Variants in TRHDE observed in about 807,000 individuals in gnomAD.
TRHDE encodes thyrotropin releasing hormone degrading enzyme, also known as thyrotropin-releasing hormone-degrading ectoenzyme.
A neutral mutation model predicts 125.7 loss-of-function variants in TRHDE; 72 were observed. That is an observed-to-expected ratio of 0.57 (90% CI 0.47 to 0.70). The LOEUF is 0.70. Ranked by LOEUF, TRHDE falls within the 30% of genes least tolerant of loss-of-function variation. The pLI is 0.00. For missense variants in TRHDE, 1,110 were observed against 1,327.1 expected (o/e 0.84, Z 2.54); for synonymous variants, 509 against 509.1 (o/e 1.00, Z 0.00).
intron 2 of TRHDE, among the ~76,000 whole-genome samples, chr12:72,228,680 T>C (rs1021042798): frequency 6.6e-6 from 1 of 152,212 alleles, no homozygotes; most frequent in African/African-American, 2.4e-5. Flanking sequence ...CTTTTAAACA[T>C]GAGTTCCAAC....
At chr12:72,229,270 G>A (rs1878201039) in intron 2 of TRHDE, among the ~76,000 whole-genome samples, 1 of 152,170 alleles carries the variant, frequency 6.6e-6, no homozygotes, top group South Asian at 2.1e-4. Context: ...AGAAGATGAA[G>A]GAAGAGAAAA....
At chr12:72,105,180 C>G (rs1034712179) in intron 1 of TRHDE, among the ~76,000 whole-genome samples, 1 of 152,118 alleles carries the variant, frequency 6.6e-6, no homozygotes, top group Admixed American at 6.6e-5. Flanking sequence ...AGCAGCAGTA[C>G]AAGGAAGTAC....
chr12:72,620,327 A>AC (rs11450881), intron 13 of TRHDE, among the ~76,000 whole-genome samples: 43,757 of 134,010 alleles, frequency 0.33, 10,875 homozygotes, highest in African/African-American at 0.69. Flanking sequence ...ACATGGTGAA[A>AC]CCCATCTCTA....
chr12:72,094,844 G>T (rs959688829), intron 1 of TRHDE, among the ~76,000 whole-genome samples: 2 of 152,164 alleles, frequency 1.3e-5, no homozygotes, highest in African/African-American at 4.8e-5. Context: ...CTTTCAAAGT[G>T]GTCCTCCTCA....
intron 3 of TRHDE, among the ~76,000 whole-genome samples, chr12:72,466,776 AT>A (rs2135893144): frequency 6.6e-6 from 1 of 152,278 alleles, no homozygotes; most frequent in African/African-American, 2.4e-5. Context: ...CTCAGATGAA[AT>A]GTGACTACCT....
rs895990053 is a variant in TRHDE, at chr12:72,663,189, A to T, written c.3204A>T (p.Arg1068Ser). 49 of 1,608,966 alleles carry T rather than the reference A, an allele frequency of 3.0e-5. No homozygotes were observed. The highest frequency in any genetic ancestry group is 3.7e-5 in the Non-Finnish European group (43 of 1,177,880). Reference sequence around the variant, plus strand: ...TCCAATGGTTAGGAAAAGCTCTAAGACACTAATATATGTATCTTATAAACA... The same window carrying T: ...TCCAATGGTTAGGAAAAGCTCTAAGTCACTAATATATGTATCTTATAAACA... ...ELFQWLGKAL[R>S]H Residue 1068 changes from arginine (R) to serine (S), a missense_variant, in exon 19 of 19, where the codon AGA becomes AGT. Transcript: ENST00000261180.
chr12:72,107,989 G>T (rs1187516925), intron 2 of TRHDE, among the ~76,000 whole-genome samples: 2 of 151,972 alleles, frequency 1.3e-5, no homozygotes, highest in Non-Finnish European at 2.9e-5. Flanking sequence ...CTTTCCTCGG[G>T]TGTTTTTTCA....
At chr12:72,136,222 A>G (rs1260899219) in intron 2 of TRHDE, among the ~76,000 whole-genome samples, 1 of 152,198 alleles carries the variant, frequency 6.6e-6, no homozygotes, top group Non-Finnish European at 1.5e-5. Flanking sequence ...GGTTTTAAAA[A>G]ACGTGCACTG....
At chr12:72,272,232 T>C (rs1297548495), upstream of TRHDE, 12 of 404,102 alleles carry the variant, frequency 3.0e-5, no homozygotes, top group Admixed American at 2.9e-4. This position sits in a 1 kb window ranked among gnomAD's most constrained non-coding sequence, Gnocchi z 6.7. Context: ...ACCGCTCCCG[T>C]CCTTCTCCCT....
intron 12 of TRHDE, among the ~76,000 whole-genome samples, chr12:72,586,442 GAGT>G (rs1871443053): frequency 6.6e-6 from 1 of 152,238 alleles, no homozygotes; most frequent in South Asian, 2.1e-4. Context: ...ATGTGGAGTG[GAGT>G]ATCATTGAAG....
intron 2 of TRHDE, among the ~76,000 whole-genome samples, chr12:72,216,638 C>T (rs529943484): frequency 2.8e-4 from 42 of 152,240 alleles, no homozygotes; most frequent in African/African-American, 8.4e-4. Flanking sequence ...ACACAGAACA[C>T]GTTCTAGTAA....
At chr12:72,088,132 T>C (rs1874711345) in intron 1 of TRHDE, among the ~76,000 whole-genome samples, 3 of 152,284 alleles carry the variant, frequency 2.0e-5, no homozygotes, top group East Asian at 1.9e-4. Flanking sequence ...TCTTGGGTGC[T>C]TAGGCTGAGT....
chr12:72,271,791 G>A (rs539344562), upstream of TRHDE: 5 of 405,058 alleles, frequency 1.2e-5, no homozygotes, highest in African/African-American at 1.0e-4. Context: ...TCTCCCCCTT[G>A]GGATATGGAG....
At chr12:72,595,423 A>G (rs1871896169) in intron 12 of TRHDE, among the ~76,000 whole-genome samples, 2 of 152,094 alleles carry the variant, frequency 1.3e-5, no homozygotes, top group Non-Finnish European at 2.9e-5. Context: ...TATTGAGACA[A>G]ATTGTCAAGT....
chr12:72,114,657 C>T (rs180732540), intron 2 of TRHDE, among the ~76,000 whole-genome samples: 23 of 152,070 alleles, frequency 1.5e-4, no homozygotes, highest in East Asian at 3.9e-4. Context: ...TGGACCTTCA[C>T]GGTTCAGGGG....
At chr12:72,358,912 C>T (rs1390734237) in intron 2 of TRHDE, among the ~76,000 whole-genome samples, 1 of 151,380 alleles carries the variant, frequency 6.6e-6, no homozygotes, top group East Asian at 1.9e-4. Flanking sequence ...AATAAGCTAT[C>T]AAGAACCTTA....
chr12:72,621,852 G>A (rs1267685324), intron 15 of TRHDE, 101 bp downstream of exon 15: 3 of 910,586 alleles, frequency 3.3e-6, no homozygotes, highest in Non-Finnish European at 4.9e-6. Flanking sequence ...ACAAGATAAG[G>A]AAAAACAAAA....
intron 2 of TRHDE, among the ~76,000 whole-genome samples, chr12:72,348,013 G>A (rs1352205051): frequency 6.6e-6 from 1 of 151,846 alleles, no homozygotes. Flanking sequence ...TTTATGTAAG[G>A]ATTTGCACTT....
At chr12:72,447,034 A>G (rs1457562252) in intron 3 of TRHDE, among the ~76,000 whole-genome samples, 1 of 151,956 alleles carries the variant, frequency 6.6e-6, no homozygotes, top group African/African-American at 2.4e-5. Context: ...CATCTACAGA[A>G]CTCTCCACCC....
Sources: allele counts gnomAD v4.1 joint callset (sites outside exome capture counted in the v4.1 genomes callset), GRCh38; gene constraint gnomAD v4.1.1; non-coding constraint Gnocchi (gnomAD v3.1); transcripts MANE v1.5; gene names NCBI Gene and HGNC (gene_info 2026-07-23, HGNC 2026-07-21).